Variants in GPC6 observed in about 807,000 individuals in gnomAD.
GPC6 encodes glypican-6.
GPC6 carries 14 observed loss-of-function variants against 55.2 expected under a neutral mutation model. That is an observed-to-expected ratio of 0.25 (90% CI 0.17 to 0.40). GPC6 has a LOEUF of 0.40. Ranked by LOEUF, GPC6 falls within the 10% of genes least tolerant of loss-of-function variation. The probability of loss-of-function intolerance (pLI) is 1.00; values close to 1 mark genes in which losing one functional copy is unlikely to be tolerated. For synonymous variants in GPC6, 278 were observed against 259.6 expected (o/e 1.07, Z -0.68); for missense variants, 641 against 708.5 (o/e 0.90, Z 1.08).
rs113925912 is a variant in GPC6 at position 94,071,194 on chromosome 13, T to G, written c.877+43300T>G. On this transcript the variant is annotated intron_variant, in intron 4 of 8. Transcript: ENST00000377047. ...ATTCATTATATTCCTTTGTTCTTTATGCACCTAAGCATATTTGGTTAACTC... is the reference window on the plus strand; with the variant it reads ...ATTCATTATATTCCTTTGTTCTTTAGGCACCTAAGCATATTTGGTTAACTC... 6.4e-3 allele frequency among the ~76,000 whole-genome samples: 979 copies of G among 152,334 alleles called. 10 individuals are homozygous for G. Among genetic ancestry groups the G allele is most frequent in the African/African-American group, 0.023 (941 of 41,580 alleles).
At chr13:94,344,695 T>A (rs1878200922) in intron 6 of GPC6, among the ~76,000 whole-genome samples, 1 of 152,252 alleles carries the variant, frequency 6.6e-6, no homozygotes, top group Non-Finnish European at 1.5e-5. Flanking sequence ...GAGCATTTAT[T>A]GTTTGCACAC....
chr13:93,643,736 T>G (rs1743998432), intron 2 of GPC6, among the ~76,000 whole-genome samples: 1 of 152,080 alleles, frequency 6.6e-6, no homozygotes, highest in Non-Finnish European at 1.5e-5. Context: ...TTTCCTTTTG[T>G]ATCTGCTGGT....
intron 1 of GPC6, among the ~76,000 whole-genome samples, chr13:93,364,716 C>T (rs201455280): frequency 6.9e-6 from 1 of 144,706 alleles, no homozygotes; most frequent in Admixed American, 6.8e-5. Context: ...CATATATATA[C>T]ACACACATAT....
chr13:93,725,668 A>G (rs1298202459), intron 2 of GPC6, among the ~76,000 whole-genome samples: 1 of 152,060 alleles, frequency 6.6e-6, no homozygotes, highest in Non-Finnish European at 1.5e-5. Context: ...TCAATATTAG[A>G]GTCATTAAGT....
chr13:94,119,288 A>T (rs1886543716), intron 4 of GPC6, among the ~76,000 whole-genome samples: 1 of 152,150 alleles, frequency 6.6e-6, no homozygotes. Context: ...TAAAAGATGC[A>T]GTATGTCAGT....
rs189073724 is a variant in GPC6, at chr13:93,496,087, G to T, written c.161-49176G>T. ...CTTCCTGGCTGCTTTGTTTACCTAA[G>T]CAAGCCTGGGCAATGGTTGGCGCCC... On this transcript the variant is annotated intron_variant, in intron 1 of 8. Coordinates refer to ENST00000377047, the MANE Select transcript of GPC6 (RefSeq NM_005708.5). 5.9e-5 allele frequency among the ~76,000 whole-genome samples: 9 copies of T among 152,210 alleles called. 1 individual carries two copies. Among genetic ancestry groups the T allele is most frequent in the Non-Finnish European group, 1.0e-4 (7 of 68,006 alleles).
intron 1 of GPC6, among the ~76,000 whole-genome samples, chr13:93,430,663 G>A (rs927544445): frequency 2.0e-5 from 3 of 152,136 alleles, no homozygotes; most frequent in South Asian, 2.1e-4. Context: ...TTGGCAGAAC[G>A]TACCAATAGT....
intron 1 of GPC6, among the ~76,000 whole-genome samples, chr13:93,492,588 CT>C (rs536783234): frequency 0.028 from 4,150 of 146,834 alleles, 229 homozygotes; most frequent in African/African-American, 0.099. Context: ...GAGGGCATCC[CT>C]GTCTTGTGCC....
intron 2 of GPC6, among the ~76,000 whole-genome samples, chr13:93,626,475 T>C (rs1044033466): frequency 1.3e-5 from 2 of 152,160 alleles, no homozygotes; most frequent in Non-Finnish European, 2.9e-5. Flanking sequence ...CAATTTTGGA[T>C]AACCCTTGTA....
intron 2 of GPC6, among the ~76,000 whole-genome samples, chr13:93,565,979 C>T (rs1876090002): frequency 6.6e-6 from 1 of 151,124 alleles, no homozygotes; most frequent in African/African-American, 2.4e-5. Context: ...ACTATAGTTG[C>T]TTCAGTGAAT....
intron 1 of GPC6, among the ~76,000 whole-genome samples, chr13:93,355,652 T>G (rs547985782): frequency 6.6e-6 from 1 of 152,288 alleles, no homozygotes; most frequent in African/African-American, 2.4e-5. Context: ...TTGAAAGGCT[T>G]TCAGCAGAGA....
chr13:93,388,848 A>G (rs1875505874), intron 1 of GPC6, among the ~76,000 whole-genome samples: 2 of 152,164 alleles, frequency 1.3e-5, no homozygotes, highest in South Asian at 4.1e-4. Flanking sequence ...TTTCCCTGGC[A>G]TCTAGGAAAG....
intron 2 of GPC6, among the ~76,000 whole-genome samples, chr13:93,564,486 A>C (rs1377980814): frequency 6.6e-6 from 1 of 152,188 alleles, no homozygotes; most frequent in Non-Finnish European, 1.5e-5. Flanking sequence ...AAGAAGAACA[A>C]TGCAGCAATG....
At chr13:93,648,833 C>T (rs1027101071) in intron 2 of GPC6, among the ~76,000 whole-genome samples, 36 of 152,238 alleles carry the variant, frequency 2.4e-4, no homozygotes, top group African/African-American at 8.2e-4. Flanking sequence ...TCACCCATGT[C>T]ACGCAAAACT....
At chr13:93,994,054 A>T (rs1881429874) in intron 3 of GPC6, among the ~76,000 whole-genome samples, 1 of 152,214 alleles carries the variant, frequency 6.6e-6, no homozygotes, top group Non-Finnish European at 1.5e-5. Context: ...ACTTACGTTT[A>T]TTACAAGTTA....
intron 8 of GPC6, 96 bp from the exon 9 acceptor site, chr13:94,402,918 GA>G (rs1881205977): frequency 1.1e-6 from 1 of 913,470 alleles, no homozygotes; most frequent in Admixed American, 1.7e-5. Flanking sequence ...GACAGGTGGG[GA>G]TTATGGGGAT....
intron 1 of GPC6, among the ~76,000 whole-genome samples, chr13:93,252,686 C>G (rs564610583): frequency 6.6e-6 from 1 of 152,192 alleles, no homozygotes; most frequent in Admixed American, 6.5e-5. Context: ...CAAATTGCCT[C>G]TAAGATGTCA....
intron 6 of GPC6, among the ~76,000 whole-genome samples, chr13:94,364,473 C>A (rs1879202287): frequency 6.6e-6 from 1 of 152,166 alleles, no homozygotes; most frequent in South Asian, 2.1e-4. Context: ...TGCCATATGT[C>A]CCCATGGTGA....
At chr13:93,378,440 T>C (rs4773741) in intron 1 of GPC6, among the ~76,000 whole-genome samples, 118,016 of 152,090 alleles carry the variant, frequency 0.78, 47,918 homozygotes, top group East Asian at 0.97. Context: ...TTTCAAAGAC[T>C]AGTTTCCATA....
Sources: gnomAD v4.1 joint callset for allele counts (sites outside exome capture counted in the v4.1 genomes callset) on GRCh38, gnomAD v4.1.1 for gene constraint, MANE v1.5 for transcripts, NCBI Gene and HGNC (gene_info 2026-07-23, HGNC 2026-07-21) for gene names.